Variants in SZT2 observed in about 807,000 individuals in gnomAD.
SZT2 encodes SZT2 subunit of KICSTOR complex.
Under a neutral mutation model 404.2 loss-of-function variants are expected in SZT2, and 216 were observed. The ratio of observed to expected loss-of-function variants is 0.53; its 90% confidence interval spans 0.48 to 0.60. SZT2 has a LOEUF of 0.60. SZT2 is among the 20% of genes least tolerant of loss of function. SZT2 has a pLI of 0.00. For synonymous variants in SZT2, 1,693 were observed against 1,749.9 expected (o/e 0.97, Z 0.81); for missense variants, 3,857 against 4,459.2 (o/e 0.86, Z 3.85).
intron 2 of SZT2, 100 bp downstream of exon 2, chr1:43,403,402 G>A (rs1188083604): frequency 1.3e-6 from 2 of 1,504,882 alleles, no homozygotes; most frequent in African/African-American, 2.8e-5. Flanking sequence ...TAACTCTTAA[G>A]TCTGGTTAGG....
At chr1:43,405,144 T>C (rs1037375976) in intron 4 of SZT2, 1 of 152,500 alleles carries the variant, frequency 6.6e-6, no homozygotes, top group Non-Finnish European at 1.5e-5. Flanking sequence ...ACGGGGATGA[T>C]AGGCACTCAC....
At chr1:43,444,372 T>C (rs2842193) in intron 62 of SZT2, among the ~76,000 whole-genome samples, 46,697 of 151,960 alleles carry the variant, frequency 0.31, 8,544 homozygotes, top group Middle Eastern at 0.45. Context: ...GCTAGGATTA[T>C]AGGTGTGAGC....
chr1:43,435,494 G>A (rs563519622), intron 42 of SZT2, among the ~76,000 whole-genome samples, 165 bp downstream of exon 42: 1 of 152,212 alleles, frequency 6.6e-6, no homozygotes, highest in African/African-American at 2.4e-5. Flanking sequence ...CACTGGCCTT[G>A]GCTGCTGCTG....
At position 43,430,664 on chromosome 1, in the gene SZT2, A is replaced by G; in HGVS notation, c.4649A>G (p.Asp1550Gly). ...DEDSFSILGG[D>G]SPTGPESFLH... ...GACTCCTTCAGTATCTTGGGGGGCG[A>G]CTCACCCACTGGGCCTGAGAGCTTC... The change falls in exon 32 of 72, where the codon GAC (aspartate) becomes GGC (glycine). Residue 1550 changes from aspartate (D) to glycine (G), a missense_variant. Physicochemically the swap from Asp to Gly is moderately conservative, Grantham distance 94. Coordinates refer to ENST00000634258, the MANE Select transcript of SZT2 (RefSeq NM_001365999.1). 2 of 1,613,194 alleles carry G rather than the reference A, an allele frequency of 1.2e-6. No homozygotes were observed. The highest frequency in any genetic ancestry group is 1.7e-6 in the Non-Finnish European group (2 of 1,179,754).
At position 43,431,445 on chromosome 1, in the gene SZT2, C is replaced by T; in HGVS notation, c.5025-15C>T. On this transcript the variant is annotated splice_polypyrimidine_tract_variant and intron_variant, in intron 34 of 71. Coordinates refer to ENST00000634258, the MANE Select transcript of SZT2 (RefSeq NM_001365999.1). ...ATTTTCTGGAAACCAATATCTAAAC[C>T]TTTCTTCCAATTAGGCACCCAGGAC... The T allele has an allele frequency of 6.2e-7, 1 of 1,614,128 alleles. No homozygotes were observed. The highest frequency in any genetic ancestry group is 1.1e-5 in the South Asian group (1 of 91,082).
chr1:43,426,909 C>T lies in SZT2; in HGVS notation c.3309+100C>T. On this transcript the variant is annotated intron_variant, in intron 23 of 71. Coordinates refer to ENST00000634258, the MANE Select transcript of SZT2 (RefSeq NM_001365999.1). This position sits in a 1 kb window ranked among gnomAD's most constrained non-coding sequence, Gnocchi z 4.9. Reference sequence around the variant, plus strand: ...TTCTACCGCCCTTGAGACTAAATGGCATCTGCCAATGACACAATGCCGTCA... The same window carrying T: ...TTCTACCGCCCTTGAGACTAAATGGTATCTGCCAATGACACAATGCCGTCA... 2 of 1,549,440 alleles carry T rather than the reference C, an allele frequency of 1.3e-6. No homozygotes were observed. Among genetic ancestry groups the T allele is most frequent in the South Asian group, 2.3e-5 (2 of 85,330 alleles).
chr1:43,450,609 C>T lies in SZT2; in HGVS notation c.*129C>T. On this transcript the variant is annotated 3_prime_UTR_variant, in exon 72 of 72. Transcript: ENST00000634258. The surrounding 1 kb of genome is among the most constrained non-coding windows in gnomAD (Gnocchi z 4.3). ...GCCAGACACTGAGTGACACCAAAGG[C>T]TTTGTAACTATGTCTTGAGGGTCTG... 7.3e-7 allele frequency: 1 copy of T among 1,369,932 alleles called. No individual in the cohort carries two copies. Among genetic ancestry groups the T allele is most frequent in the East Asian group, 2.3e-5 (1 of 42,874 alleles). 84.9% of individuals were successfully genotyped at this position (1,369,932 alleles called of 1,614,324 possible).
chr1:43,444,009 CATG>C (rs769009269), intron 62 of SZT2, among the ~76,000 whole-genome samples: 2 of 152,236 alleles, frequency 1.3e-5, no homozygotes, highest in Non-Finnish European at 2.9e-5. Flanking sequence ...TTATGGAACT[CATG>C]ATGACACTCA....
chr1:43,434,503 C>T lies in SZT2; in HGVS notation c.5904+18C>T, dbSNP rs751081097. ...TCAACCAGGTAAGGGGCAGGACTCT[C>T]CAGACCCGGACACACAGAGCAGATG... On this transcript the variant is annotated intron_variant, in intron 41 of 71. Coordinates refer to ENST00000634258, the MANE Select transcript of SZT2 (RefSeq NM_001365999.1). The T allele has an allele frequency of 1.9e-6, 3 of 1,574,612 alleles. No individual in the cohort carries two copies. In the Admixed American group the frequency reaches 5.7e-5, roughly 30 times the overall value.
intron 62 of SZT2, among the ~76,000 whole-genome samples, chr1:43,445,042 C>T (rs1218971839): frequency 1.3e-5 from 2 of 152,264 alleles, no homozygotes; most frequent in South Asian, 4.1e-4. Flanking sequence ...CAGGCTGGCC[C>T]CTCCTACCCT....
chr1:43,443,465 C>T lies in SZT2; in HGVS notation c.8613C>T (p.Pro2871=), dbSNP rs2153936132. 2 of 1,614,202 alleles carry T rather than the reference C, an allele frequency of 1.2e-6. No individual in the cohort carries two copies. Among genetic ancestry groups the T allele is most frequent in the African/African-American group, 1.3e-5 (1 of 75,060 alleles). The change falls in exon 61 of 72, where the codon CCC becomes CCT. Residue 2871 remains proline (P), a synonymous_variant. Transcript: ENST00000634258. ...ATGGGCCCCCAGAGACCTCTGGACC[C>T]CCTGACGGGCAGGTAAGGCTGACTC... ...WLHGPPETSG[P]PDGQRRHRPE...
intron 13 of SZT2, 24 bp downstream of exon 13, chr1:43,422,656 C>CCCCCCCT: frequency 8.1e-7 from 1 of 1,237,786 alleles, no homozygotes; most frequent in Non-Finnish European, 1.0e-6. Flanking sequence ...TGTCCCTTCA[C>CCCCCCCT]CCCCCGCCCC....
In SZT2 at chr1:43,403,605, A is replaced by C. The variant is rs780217168; in HGVS notation, c.158A>C (p.Gln53Pro). ...VQATPQEMLLQSEQELEVLSV... is the reference protein window; with the variant it reads ...VQATPQEMLLPSEQELEVLSV... ...TCTTTCCATCCTAATTTTCAGCTTC[A>C]GTCTGAACAGGAATTGGAAGTCCTC... The change falls in exon 3 of 72, where the codon CAG (glutamine) becomes CCG (proline). Residue 53 changes from glutamine to proline, a missense_variant. Transcript: ENST00000634258. The C allele has an allele frequency of 6.2e-7, 1 of 1,610,652 alleles. No individual in the cohort carries two copies. Among genetic ancestry groups the C allele is most frequent in the African/African-American group, 1.3e-5 (1 of 74,866 alleles).
At chr1:43,396,048 G>A (rs753110093) in intron 1 of SZT2, among the ~76,000 whole-genome samples, 7 of 152,236 alleles carry the variant, frequency 4.6e-5, no homozygotes, top group Non-Finnish European at 8.8e-5. Flanking sequence ...AATGGGAGAT[G>A]TGTTTGGACA....
intron 7 of SZT2, among the ~76,000 whole-genome samples, chr1:43,417,486 G>A (rs1163430719): frequency 6.6e-6 from 1 of 152,168 alleles, no homozygotes; most frequent in South Asian, 2.1e-4. Context: ...TTGTGTTCGA[G>A]GTGCCTGTGG....
At chr1:43,408,899 T>C (rs539097351) in intron 4 of SZT2, among the ~76,000 whole-genome samples, 1 of 152,200 alleles carries the variant, frequency 6.6e-6, no homozygotes, top group African/African-American at 2.4e-5. Flanking sequence ...AAAAAAGTAG[T>C]TGTTCCATGG....
At chr1:43,436,106 C>T (rs1266365980) in intron 42 of SZT2, 1 of 152,198 alleles carries the variant, frequency 6.6e-6, no homozygotes, top group Admixed American at 6.5e-5. Context: ...CTTCTCCCTT[C>T]TCTTACTCCT....
Position 43,451,597 on chromosome 1 carries a change from G to A in SZT2, c.*1117G>A. On this transcript the variant is annotated 3_prime_UTR_variant, in exon 72 of 72. Coordinates refer to ENST00000634258, the MANE Select transcript of SZT2 (RefSeq NM_001365999.1). ...GTCCAGGCTCCTGCCAGGGCCTGAA[G>A]GACAGATGTGGGGATTGAAAGGGTG... 6.2e-7 allele frequency: 1 copy of A among 1,613,850 alleles called. No individual in the cohort carries two copies. Among genetic ancestry groups the A allele is most frequent in the Non-Finnish European group, 8.5e-7 (1 of 1,179,846 alleles).
At chr1:43,394,504 A>G (rs1648761326) in intron 1 of SZT2, among the ~76,000 whole-genome samples, 1 of 152,318 alleles carries the variant, frequency 6.6e-6, no homozygotes, top group South Asian at 2.1e-4. Context: ...ACACCATTCT[A>G]GCTGCTTAAA....
Sources: gnomAD v4.1 joint callset for allele counts (sites outside exome capture counted in the v4.1 genomes callset) on GRCh38, gnomAD v4.1.1 for gene constraint, Gnocchi (gnomAD v3.1) non-coding constraint, MANE v1.5 for transcripts, NCBI Gene and HGNC (gene_info 2026-07-23, HGNC 2026-07-21) for gene names.